Variants in RBFOX1 observed in about 807,000 individuals in gnomAD.
The protein encoded by RBFOX1 is RNA binding protein fox-1 homolog 1.
In RBFOX1, 8 loss-of-function variants were observed where a neutral mutation model predicts 57.7. The observed-to-expected ratio is 0.14, with a 90% confidence interval of 0.08 to 0.25. The LOEUF (loss-of-function observed/expected upper bound fraction) is 0.25. RBFOX1 is among the 10% of genes least tolerant of loss of function. RBFOX1 has a pLI of 1.00. For synonymous variants in RBFOX1, 326 were observed against 222.4 expected, an observed-to-expected ratio of 1.47 and a Z score of -4.15; for missense variants, 611 against 548.5, an observed-to-expected ratio of 1.11 and a Z score of -1.14.
At chr16:6,277,443 C>T (rs2075919989) in intron 1 of RBFOX1, among the ~76,000 whole-genome samples, 1 of 100,976 alleles carries the variant, frequency 9.9e-6, no homozygotes, top group African/African-American at 4.2e-5. Flanking sequence ...AGTGACAGAA[C>T]AAGAGTCTGT....
intron 4 of RBFOX1, among the ~76,000 whole-genome samples, chr16:7,160,646 G>C (rs774708664): frequency 1.3e-5 from 2 of 152,116 alleles, no homozygotes; most frequent in African/African-American, 2.4e-5. Flanking sequence ...ACACTGTCCA[G>C]TTATGTCTTT....
intron 3 of RBFOX1, among the ~76,000 whole-genome samples, chr16:6,902,255 T>C (rs1363997362): frequency 6.6e-6 from 1 of 152,188 alleles, no homozygotes; most frequent in East Asian, 1.9e-4. Context: ...GTTTCTGTAT[T>C]GAAGCCCCGT....
chr16:5,553,471 A>G (rs1239178985), intron 2 of RBFOX1, among the ~76,000 whole-genome samples: 1 of 151,844 alleles, frequency 6.6e-6, no homozygotes, highest in East Asian at 1.9e-4. Context: ...GCCCGCCACC[A>G]CGCCTGGCTA....
At chr16:6,655,641 G>T (rs188170219) in intron 3 of RBFOX1, among the ~76,000 whole-genome samples, 29 of 152,218 alleles carry the variant, frequency 1.9e-4, no homozygotes, top group Admixed American at 9.8e-4. Flanking sequence ...AGACATTTCT[G>T]CAGCAAAGCA....
Position 5,431,202 on chromosome 16 carries a change from C to G in RBFOX1, c.220-36014C>G, listed in dbSNP as rs180965212. Among the ~76,000 whole-genome samples, 309 of 152,310 alleles carry G rather than the reference C, an allele frequency of 2.0e-3. 2 individuals are homozygous for G. Among genetic ancestry groups the G allele is most frequent in the African/African-American group, 7.2e-3 (301 of 41,570 alleles). ...ACTTGGATTGTGTTGTCGGAGATAACTCGATTCTCCAAAAATGCTGAATAG... is the reference window on the plus strand; with the variant it reads ...ACTTGGATTGTGTTGTCGGAGATAAGTCGATTCTCCAAAAATGCTGAATAG... On this transcript the variant is annotated intron_variant, in intron 1 of 2. Transcript: ENST00000585867.
intron 1 of RBFOX1, among the ~76,000 whole-genome samples, chr16:5,408,389 G>C (rs1273169986): frequency 6.6e-6 from 1 of 152,136 alleles, no homozygotes; most frequent in Non-Finnish European, 1.5e-5. Context: ...AGGCAGGCTG[G>C]GGGCAGCATG....
chr16:7,156,590 TATAC>T (rs1249184424), intron 4 of RBFOX1, among the ~76,000 whole-genome samples: 1 of 152,140 alleles, frequency 6.6e-6, no homozygotes, highest in African/African-American at 2.4e-5. Flanking sequence ...TGCATGCAGA[TATAC>T]ATATATGTGT....
intron 2 of RBFOX1, among the ~76,000 whole-genome samples, chr16:6,448,137 T>TC (rs2094522130): frequency 6.9e-6 from 1 of 145,474 alleles, no homozygotes; most frequent in Non-Finnish European, 1.5e-5. Flanking sequence ...ATTTTTCTTT[T>TC]TTTTCTTTTC....
intron 2 of RBFOX1, among the ~76,000 whole-genome samples, chr16:6,601,540 C>G (rs1733513279): frequency 6.6e-6 from 1 of 152,118 alleles, no homozygotes; most frequent in South Asian, 2.1e-4. Flanking sequence ...CATAGTTTTG[C>G]AAGCACCCTA....
chr16:6,181,947 G>A (rs1225272585), intron 1 of RBFOX1, among the ~76,000 whole-genome samples: 3 of 152,002 alleles, frequency 2.0e-5, no homozygotes, highest in Non-Finnish European at 4.4e-5. Context: ...CGAGATCATT[G>A]GCAATTACGG....
At chr16:7,288,795 G>A (rs543661390) in intron 4 of RBFOX1, among the ~76,000 whole-genome samples, 3 of 152,284 alleles carry the variant, frequency 2.0e-5, no homozygotes, top group Admixed American at 6.5e-5. Context: ...GAGCTGAGAG[G>A]GCACCACTGC....
intron 3 of RBFOX1, among the ~76,000 whole-genome samples, chr16:6,959,440 G>A (rs192450320): frequency 4.1e-4 from 63 of 152,292 alleles, no homozygotes; most frequent in African/African-American, 1.5e-3. Context: ...AGGGATGAAG[G>A]CAGAAGTTGG....
At chr16:7,125,408 A>G (rs1042497643) in intron 4 of RBFOX1, among the ~76,000 whole-genome samples, 2 of 152,112 alleles carry the variant, frequency 1.3e-5, no homozygotes, top group Non-Finnish European at 2.9e-5. Context: ...ACTAGCGTCA[A>G]CTCTTGTATC....
intron 1 of RBFOX1, among the ~76,000 whole-genome samples, chr16:5,432,624 A>AG (rs201368688): frequency 0.02 from 2,936 of 150,520 alleles, 105 homozygotes; most frequent in African/African-American, 0.068. Flanking sequence ...GTAAAAAAAA[A>AG]AATCACTTCG....
chr16:7,601,625 A>ACACCAC (rs141039302), intron 9 of RBFOX1, among the ~76,000 whole-genome samples: 3 of 151,940 alleles, frequency 2.0e-5, no homozygotes, highest in Non-Finnish European at 4.4e-5. Context: ...GGAAAAATCA[A>ACACCAC]CACCACCACC....
chr16:6,991,117 C>T (rs933644155), intron 3 of RBFOX1, among the ~76,000 whole-genome samples: 3 of 89,234 alleles, frequency 3.4e-5, no homozygotes, highest in East Asian at 3.6e-4. Context: ...TCCTAGGCAA[C>T]GTAATAAAAT....
intron 3 of RBFOX1, among the ~76,000 whole-genome samples, chr16:6,780,013 A>T (rs1278357466): frequency 1.5e-5 from 1 of 65,156 alleles, no homozygotes; most frequent in African/African-American, 7.0e-5. Context: ...ATATTTATAT[A>T]TATTTATATA....
chr16:7,223,263 G>C (rs537030433), intron 4 of RBFOX1, among the ~76,000 whole-genome samples: 8 of 152,340 alleles, frequency 5.3e-5, no homozygotes, highest in African/African-American at 1.7e-4. Context: ...AGGGGAGTCT[G>C]CATAGGTCCA....
intron 4 of RBFOX1, among the ~76,000 whole-genome samples, chr16:7,252,871 A>C (rs1009980496): frequency 2.0e-5 from 3 of 152,072 alleles, no homozygotes; most frequent in African/African-American, 7.2e-5. Flanking sequence ...CCTAACTCAT[A>C]TGACCTACCC....
Sources: gnomAD v4.1 joint callset for allele counts (sites outside exome capture counted in the v4.1 genomes callset) on GRCh38, gnomAD v4.1.1 for gene constraint, MANE v1.5 for transcripts, NCBI Gene and HGNC (gene_info 2026-07-23, HGNC 2026-07-21) for gene names.